Variants in HFM1 observed in about 807,000 individuals in gnomAD.
HFM1 encodes the protein probable ATP-dependent DNA helicase HFM1.
A neutral mutation model predicts 192.1 loss-of-function variants in HFM1; 169 were observed. The ratio of observed to expected loss-of-function variants is 0.88; its 90% CI spans 0.78 to 1.00. HFM1 has a LOEUF of 1.00. Ranked by LOEUF, HFM1 falls within the 50% of genes least tolerant of loss-of-function variation. The pLI is 0.00. For missense variants in HFM1, 1,661 were observed against 1,668.0 expected (o/e 1.00, Z 0.07); for synonymous variants, 525 against 537.8 (o/e 0.98, Z 0.33).
At chr1:91,372,409 T>G (rs1200959659) in intron 13 of HFM1, among the ~76,000 whole-genome samples, 1 of 152,152 alleles carries the variant, frequency 6.6e-6, no homozygotes, top group African/African-American at 2.4e-5. Flanking sequence ...TATGCAGCCA[T>G]AAAAAATGAT....
At chr1:91,314,378 C>A (rs905569834) in intron 28 of HFM1, among the ~76,000 whole-genome samples, 3 of 152,104 alleles carry the variant, frequency 2.0e-5, no homozygotes. Flanking sequence ...CTCGGTCTCC[C>A]GAGTAGCTGG....
At position 91,361,792 on chromosome 1, in the gene HFM1, A is replaced by G. The variant is rs373461157; in HGVS notation, c.1686-8493T>C. 5.4e-4 allele frequency among the ~76,000 whole-genome samples: 82 copies of G among 152,322 alleles called. 2 individuals are homozygous for G. In the South Asian group the frequency reaches 0.017, roughly 31 times the overall value. ...CAATATCCTTAATGAACACTGATGC[A>G]AAAAGCTTCAATAAAATACTGGCAA... On this transcript the variant is annotated intron_variant, in intron 13 of 38. Transcript: ENST00000370425.
chr1:91,306,300 C>G (rs1649595570), intron 30 of HFM1, among the ~76,000 whole-genome samples: 2 of 152,130 alleles, frequency 1.3e-5, no homozygotes, highest in Non-Finnish European at 2.9e-5. Context: ...CCATTGCACT[C>G]TAGCCTGGGC....
intron 17 of HFM1, 127 bp downstream of exon 17, chr1:91,351,422 A>C (rs1557895134): frequency 5.4e-6 from 3 of 556,470 alleles, no homozygotes; most frequent in East Asian, 3.4e-5. Context: ...CTAGTTAAAT[A>C]GTTGAAAACT....
intron 13 of HFM1, among the ~76,000 whole-genome samples, chr1:91,353,524 C>T (rs1293706041): frequency 6.6e-6 from 1 of 151,402 alleles, no homozygotes; most frequent in Admixed American, 6.6e-5. Context: ...TTGGAAAACT[C>T]ACTTTCCCCA....
Position 91,262,556 on chromosome 1 carries a change from T to A in HFM1, c.4011A>T (p.Leu1337Phe). The A allele has an allele frequency of 6.2e-7, 1 of 1,605,584 alleles. No individual in the cohort carries two copies. The highest frequency in any genetic ancestry group is 8.5e-7 in the Non-Finnish European group (1 of 1,174,428). ...TGAACTTGGGCATAGCAGAATTTGA[T>A]AAAGAAATATCCGACATCTCATGTG... ...VSSHEMSDIS[L>F]SNSAMPKFSA... Residue 1337 changes from leucine to phenylalanine, a missense_variant, in exon 37 of 39, where the codon TTA becomes TTT. Leu to Phe is a conservative substitution (Grantham distance 22). Transcript: ENST00000370425.
In HFM1 at chr1:91,394,156, T is replaced by A. The variant is rs764270793; in HGVS notation, c.431A>T (p.Asp144Val). 10 of 1,609,438 alleles carry A rather than the reference T, an allele frequency of 6.2e-6. No individual in the cohort carries two copies. The highest frequency in any genetic ancestry group is 7.7e-6 in the Non-Finnish European group (9 of 1,176,244). ...TEIAPEKSVP[D>V]DTKLVNFAED... Reference sequence around the variant, plus strand: ...TGCAAAATTAACTAATTTTGTATCATCAGGAACACTCTTCTCAGGTGCTAT... The same window carrying A: ...TGCAAAATTAACTAATTTTGTATCAACAGGAACACTCTTCTCAGGTGCTAT... Residue 144 changes from aspartate (D) to valine (V), a missense_variant, in exon 4 of 39, where the codon GAT (aspartate) becomes GTT (valine). By Grantham distance (152) the Asp-to-Val change is radical (BLOSUM62 -3). Transcript: ENST00000370425.
In HFM1 at chr1:91,400,993, A is replaced by G. The variant is rs929870528; in HGVS notation, c.71+19T>C. On this transcript the variant is annotated intron_variant, in intron 2 of 38. Coordinates refer to ENST00000370425, the MANE Select transcript of HFM1 (RefSeq NM_001017975.6). ...CCTAAAGTAATATACTATGCTATCA[A>G]TCTTTAAGGGAGACTTACTTTTCAA... 7.7e-7 allele frequency: 1 copy of G among 1,294,580 alleles called. No homozygotes were observed. Among genetic ancestry groups the G allele is most frequent in the Non-Finnish European group, 1.1e-6 (1 of 922,604 alleles). The allele number at this position is 1,294,580 out of a possible 1,614,324, so 80.2% of individuals were successfully genotyped here.
chr1:91,388,588 T>C (rs1046805396), intron 4 of HFM1, among the ~76,000 whole-genome samples: 1 of 152,134 alleles, frequency 6.6e-6, no homozygotes, highest in Non-Finnish European at 1.5e-5. Context: ...TTCACACAAA[T>C]ATTTAAAATA....
At chr1:91,389,611 C>G (rs77412195) in intron 4 of HFM1, among the ~76,000 whole-genome samples, 1 of 152,114 alleles carries the variant, frequency 6.6e-6, no homozygotes, top group African/African-American at 2.4e-5. Flanking sequence ...ATCAAGAACC[C>G]AACAATGCTG....
chr1:91,264,019 T>C (rs1454458142), intron 36 of HFM1, among the ~76,000 whole-genome samples: 4 of 152,202 alleles, frequency 2.6e-5, no homozygotes. Flanking sequence ...TTATATCCGT[T>C]TATTCTATGT....
intron 13 of HFM1, among the ~76,000 whole-genome samples, chr1:91,367,750 C>T (rs374325922): frequency 1.7e-4 from 26 of 152,200 alleles, no homozygotes; most frequent in South Asian, 4.1e-4. Flanking sequence ...CACAGCTGGA[C>T]GGAGAATGAC....
chr1:91,359,030 T>G (rs1227441609), intron 13 of HFM1, among the ~76,000 whole-genome samples: 1 of 151,806 alleles, frequency 6.6e-6, no homozygotes, highest in Non-Finnish European at 1.5e-5. Context: ...TACAGTAGAG[T>G]GGCCTGTTAA....
In HFM1 at chr1:91,264,361, ATTTTTTTTTTTTT is replaced by A. The variant is rs71087940; in HGVS notation, c.3974+1643_3974+1655del. Among the ~76,000 whole-genome samples the A allele has an allele frequency of 2.7e-3, 153 of 57,100 alleles. 3 individuals carry two copies. In the Middle Eastern group the frequency reaches 0.059, roughly 22 times the overall value. The allele number at this position is 57,100 out of a possible 152,430, so 37.5% of individuals were successfully genotyped here. ...TTCCAAGGGATACCACAAATTTAGTATTTTTTTTTTTTTTTTTTTTTTTTTTTTTGAGACGGAG... is the reference window on the plus strand; with the variant it reads ...TTCCAAGGGATACCACAAATTTAGTATTTTTTTTTTTTTTTTGAGACGGAG... On this transcript the variant is annotated intron_variant, in intron 36 of 38. Transcript: ENST00000370425.
At chr1:91,384,641 CA>C (rs1366437992) in intron 6 of HFM1, among the ~76,000 whole-genome samples, 1 of 152,082 alleles carries the variant, frequency 6.6e-6, no homozygotes, top group Non-Finnish European at 1.5e-5. Context: ...GCCAATAATA[CA>C]AATCTGACTT....
At chr1:91,282,141 G>GATTTGT (rs1316792630) in intron 30 of HFM1, among the ~76,000 whole-genome samples, 1 of 152,066 alleles carries the variant, frequency 6.6e-6, no homozygotes, top group East Asian at 1.9e-4. Flanking sequence ...TATTTCTTCT[G>GATTTGT]ATTTGTTTGT....
intron 30 of HFM1, among the ~76,000 whole-genome samples, chr1:91,303,088 G>C (rs1009947700): frequency 1.3e-5 from 2 of 151,950 alleles, no homozygotes; most frequent in Non-Finnish European, 2.9e-5. Flanking sequence ...TATTCCCAAG[G>C]TTGTGCAACA....
At chr1:91,277,873 A>T (rs12046637) in intron 30 of HFM1, among the ~76,000 whole-genome samples, 2 of 113,906 alleles carry the variant, frequency 1.8e-5, no homozygotes, top group Admixed American at 2.4e-4. Context: ...TTATATATAT[A>T]ATATATACTT....
intron 30 of HFM1, among the ~76,000 whole-genome samples, chr1:91,305,668 A>G (rs1649494730): frequency 6.6e-6 from 1 of 152,028 alleles, no homozygotes; most frequent in Admixed American, 6.6e-5. Context: ...CCTGGACTCA[A>G]GTGATCTTCC....
Sources: gnomAD v4.1 joint callset for allele counts (sites outside exome capture counted in the v4.1 genomes callset) on GRCh38, gnomAD v4.1.1 for gene constraint, MANE v1.5 for transcripts, NCBI Gene and HGNC (gene_info 2026-07-23, HGNC 2026-07-21) for gene names.